KLHL12: variants seen among roughly 807,000 people sequenced by gnomAD.
KLHL12 encodes the protein kelch like family member 12.
KLHL12 carries 17 observed loss-of-function variants against 60.8 expected under a neutral mutation model. That is an observed-to-expected ratio of 0.28 (90% CI 0.19 to 0.42). The LOEUF (loss-of-function observed/expected upper bound fraction) is 0.42, where lower values mean the gene tolerates loss of function less well. KLHL12 is among the 10% of genes least tolerant of loss of function. The probability of loss-of-function intolerance (pLI) is 1.00; values close to 1 mark genes in which losing one functional copy is unlikely to be tolerated. For missense variants in KLHL12, 468 were observed against 722.3 expected (o/e 0.65, Z 4.04); for synonymous variants, 220 against 250.9 (o/e 0.88, Z 1.16).
chr1:202,906,999 C>T (rs1660214331), intron 6 of KLHL12, among the ~76,000 whole-genome samples: 1 of 152,106 alleles, frequency 6.6e-6, no homozygotes, highest in Non-Finnish European at 1.5e-5. Flanking sequence ...AAAAAGACTT[C>T]CATCCAGAAG....
Position 202,895,552 on chromosome 1 carries a change from G to C in KLHL12, c.1105C>G (p.Arg369Gly). Residue 369 changes from arginine (R) to glycine (G), a missense_variant, in exon 8 of 12, where the codon CGA becomes GGA. Transcript: ENST00000367261. The surrounding 1 kb of genome is among the most constrained non-coding windows in gnomAD (Gnocchi z 4.2). The part of the protein sequence containing the change: ...WYSVAPMNVR[R>G]GLAGATTLGD... Reference sequence around the variant, plus strand: ...AGGGTGGTGGCTCCAGCAAGACCTCGTCGGACATTCATAGGGGCCACAGAA... The same window carrying C: ...AGGGTGGTGGCTCCAGCAAGACCTCCTCGGACATTCATAGGGGCCACAGAA... 6.2e-7 allele frequency: 1 copy of C among 1,613,970 alleles called. No homozygotes were observed. Among genetic ancestry groups the C allele is most frequent in the Non-Finnish European group, 8.5e-7 (1 of 1,179,946 alleles).
At chr1:202,913,694 T>G (rs1660433403) in intron 4 of KLHL12, among the ~76,000 whole-genome samples, 1 of 152,104 alleles carries the variant, frequency 6.6e-6, no homozygotes, top group Non-Finnish European at 1.5e-5. Flanking sequence ...AAGGAAGGCC[T>G]CCCGGAAGAA....
intron 6 of KLHL12, among the ~76,000 whole-genome samples, chr1:202,897,696 A>C (rs1659883717): frequency 6.6e-6 from 1 of 152,196 alleles, no homozygotes; most frequent in Non-Finnish European, 1.5e-5. Flanking sequence ...AAAAAGCTAC[A>C]TGTTGAAACT....
intron 4 of KLHL12, among the ~76,000 whole-genome samples, chr1:202,913,545 G>A (rs1245158665): frequency 6.6e-6 from 1 of 152,176 alleles, no homozygotes; most frequent in African/African-American, 2.4e-5. Flanking sequence ...AATCAGATAT[G>A]ATCCTTGCTC....
chr1:202,919,883 A>C lies in KLHL12; in HGVS notation c.221T>G (p.Val74Gly). ...AGAGGCAGTCAAACCTTGGATGTCA[A>C]CATAAGGTTTCCCCTTCTCTGAGAG... ...SELSEKGKPY[V>G]DIQGLTASTM... Residue 74 changes from valine to glycine, a missense_variant, in exon 3 of 12, where the codon GTT becomes GGT. Physicochemically the swap from Val to Gly is moderately radical, Grantham distance 109. This residue lies in a region of KLHL12 where 339 missense variants were observed against 525.0 expected (regional missense o/e 0.65). Transcript: ENST00000367261. 6.2e-7 allele frequency: 1 copy of C among 1,613,868 alleles called. No homozygotes were observed. Among genetic ancestry groups the C allele is most frequent in the Non-Finnish European group, 8.5e-7 (1 of 1,179,852 alleles).
intron 4 of KLHL12, among the ~76,000 whole-genome samples, chr1:202,915,919 G>T (rs372193695): frequency 1.9e-3 from 297 of 152,332 alleles, no homozygotes; most frequent in African/African-American, 6.9e-3. Flanking sequence ...CACAGTAAGT[G>T]TTCAACAAGT....
chr1:202,920,973 C>T (rs149546791), intron 2 of KLHL12, among the ~76,000 whole-genome samples: 1 of 152,188 alleles, frequency 6.6e-6, no homozygotes, highest in African/African-American at 2.4e-5. Context: ...CCAGTCTCTC[C>T]AGGACTACCT....
At chr1:202,897,236 T>C (rs1034158961) in intron 6 of KLHL12, among the ~76,000 whole-genome samples, 73 of 145,258 alleles carry the variant, frequency 5.0e-4, no homozygotes, top group East Asian at 1.6e-3. Context: ...TTCTTTTTTT[T>C]TTTTTTTTTT....
Position 202,892,497 on chromosome 1 carries a change from A to T in KLHL12, c.*36T>A, listed in dbSNP as rs766970061. ...GATTCTCCCACTAACTGTCCACTGG[A>T]CTGGTCACTAGCTCTGGATGGTGCT... On this transcript the variant is annotated 3_prime_UTR_variant, in exon 12 of 12. Coordinates refer to ENST00000367261, the MANE Select transcript of KLHL12 (RefSeq NM_021633.4). 6.2e-7 allele frequency: 1 copy of T among 1,608,410 alleles called. No individual in the cohort carries two copies. The highest frequency in any genetic ancestry group is 8.5e-7 in the Non-Finnish European group (1 of 1,176,532).
chr1:202,895,667 C>T lies in KLHL12; in HGVS notation c.990G>A (p.Arg330=). ...RYVASVSLHD[R]IYVIGGYDGR... Reference sequence around the variant, plus strand: ...CATCATAGCCACCAATGACGTAGATCCGGTCATGAAGGGACACTGAGGCCA... The same window carrying T: ...CATCATAGCCACCAATGACGTAGATTCGGTCATGAAGGGACACTGAGGCCA... Residue 330 remains arginine (R), a synonymous_variant, in exon 8 of 12, where the codon CGG becomes CGA. Coordinates refer to ENST00000367261, the MANE Select transcript of KLHL12 (RefSeq NM_021633.4). The surrounding 1 kb of genome is among the most constrained non-coding windows in gnomAD (Gnocchi z 4.2). 4 of 1,614,144 alleles carry T rather than the reference C, an allele frequency of 2.5e-6. No individual in the cohort carries two copies. In the East Asian group the frequency reaches 6.7e-5, roughly 27 times the overall value.
intron 8 of KLHL12, among the ~76,000 whole-genome samples, 177 bp from the exon 9 acceptor site, chr1:202,894,926 A>G (rs551920505): frequency 6.6e-6 from 1 of 152,320 alleles, no homozygotes; most frequent in African/African-American, 2.4e-5. Flanking sequence ...GAATGGGGTA[A>G]AACAAAATCC....
At chr1:202,897,233 T>C (rs1016385049) in intron 6 of KLHL12, among the ~76,000 whole-genome samples, 34 of 142,922 alleles carry the variant, frequency 2.4e-4, no homozygotes, top group South Asian at 6.9e-4. Context: ...TTTTTCTTTT[T>C]TTTTTTTTTT....
intron 8 of KLHL12, among the ~76,000 whole-genome samples, 191 bp from the exon 9 acceptor site, chr1:202,894,940 A>G (rs1299353532): frequency 2.0e-5 from 3 of 152,216 alleles, no homozygotes; most frequent in Non-Finnish European, 4.4e-5. Flanking sequence ...AAAATCCTTA[A>G]AAGCATTCAA....
At chr1:202,900,969 C>G (rs1026820091) in intron 6 of KLHL12, among the ~76,000 whole-genome samples, 1 of 152,018 alleles carries the variant, frequency 6.6e-6, no homozygotes, top group Admixed American at 6.6e-5. Context: ...TCACTTGAAC[C>G]TGGGAGGCGG....
In KLHL12 at chr1:202,918,214, C is replaced by T. The variant is rs1660580802; in HGVS notation, c.524G>A (p.Ser175Asn). 1 of 1,614,050 alleles carries T rather than the reference C, an allele frequency of 6.2e-7. No individual in the cohort carries two copies. The highest frequency in any genetic ancestry group is 8.5e-7 in the Non-Finnish European group (1 of 1,180,024). Residue 175 changes from serine (S) to asparagine (N), a missense_variant, in exon 4 of 12, where the codon AGT becomes AAT. Physicochemically the swap from Ser to Asn is conservative, Grantham distance 46 (BLOSUM62 1). This residue lies in a region of KLHL12 where 339 missense variants were observed against 525.0 expected (regional missense o/e 0.65). Transcript: ENST00000367261. Reference protein sequence around the residue: ...VVQHEEFILLSQGEVEKLIKC... With the variant: ...VVQHEEFILLNQGEVEKLIKC... ...GATTAGCTTTTCCACCTCTCCTTGA[C>T]TCAGAAGAATGAACTCTTCATGCTG...
intron 6 of KLHL12, among the ~76,000 whole-genome samples, chr1:202,903,130 A>G (rs1217243594): frequency 7.3e-6 from 1 of 137,400 alleles, no homozygotes; most frequent in African/African-American, 2.8e-5. Context: ...ACTGCACTCT[A>G]GCCTAGGAGC....
chr1:202,908,160 A>C (rs1184701202), intron 6 of KLHL12, among the ~76,000 whole-genome samples: 1 of 152,188 alleles, frequency 6.6e-6, no homozygotes, highest in Non-Finnish European at 1.5e-5. Flanking sequence ...GTGATATCTG[A>C]GTATTTAGTG....
intron 4 of KLHL12, among the ~76,000 whole-genome samples, chr1:202,913,514 ACAAAT>A (rs1482204879): frequency 5.3e-5 from 8 of 152,328 alleles, no homozygotes; most frequent in African/African-American, 1.9e-4. Context: ...ACAATGGTGA[ACAAAT>A]CAGATATGGT....
chr1:202,904,925 T>G (rs1369038371), intron 6 of KLHL12, among the ~76,000 whole-genome samples: 1 of 152,246 alleles, frequency 6.6e-6, no homozygotes, highest in Non-Finnish European at 1.5e-5. Context: ...AATCCCTTAT[T>G]TGGCAGGCTA....
Sources: allele counts gnomAD v4.1 joint callset (sites outside exome capture counted in the v4.1 genomes callset), GRCh38; gene constraint gnomAD v4.1.1; regional missense constraint gnomAD v4.1.1; non-coding constraint Gnocchi (gnomAD v3.1); transcripts MANE v1.5; gene names NCBI Gene and HGNC (gene_info 2026-07-23, HGNC 2026-07-21).